Variants in MCOLN2 observed in about 807,000 individuals in gnomAD.
MCOLN2 encodes mucolipin-2.
A neutral mutation model predicts 67.5 loss-of-function variants in MCOLN2; 57 were observed. That is an observed-to-expected ratio of 0.84 (90% confidence interval 0.68 to 1.05). MCOLN2 has a LOEUF of 1.05. Ranked by LOEUF, MCOLN2 falls within the 50% of genes least tolerant of loss-of-function variation. The pLI is 0.00. For missense variants in MCOLN2, 620 were observed against 678.8 expected (o/e 0.91, Z 0.96); for synonymous variants, 246 against 233.3 (o/e 1.05, Z -0.50).
chr1:84,957,581 A>G (rs521435), intron 3 of MCOLN2, among the ~76,000 whole-genome samples: 53,791 of 151,966 alleles, frequency 0.35, 9,910 homozygotes, highest in African/African-American at 0.43. Context: ...AAATTATTAT[A>G]TCATCATCCT....
chr1:84,945,071 TA>T (rs66495448), intron 7 of MCOLN2, among the ~76,000 whole-genome samples: 25,505 of 152,144 alleles, frequency 0.17, 4,974 homozygotes, highest in African/African-American at 0.48. Context: ...ATGTAAATCT[TA>T]AAAGAGCTTT....
chr1:84,952,545 G>C lies in MCOLN2; in HGVS notation c.566-15C>G. ...TTGAACACAATCTAGGGCAATGAAAGAACAAGAAATGGTTGTTTCAGGCAA... is the reference window on the plus strand; with the variant it reads ...TTGAACACAATCTAGGGCAATGAAACAACAAGAAATGGTTGTTTCAGGCAA... On this transcript the variant is annotated splice_polypyrimidine_tract_variant and intron_variant, in intron 4 of 13. Coordinates refer to ENST00000370608, the MANE Select transcript of MCOLN2 (RefSeq NM_153259.4). The C allele has an allele frequency of 6.4e-7, 1 of 1,559,706 alleles. No homozygotes were observed. The highest frequency in any genetic ancestry group is 8.8e-7 in the Non-Finnish European group (1 of 1,131,028).
chr1:84,983,020 ATT>A (rs893381727), intron 1 of MCOLN2, among the ~76,000 whole-genome samples: 1 of 146,978 alleles, frequency 6.8e-6, no homozygotes, highest in Non-Finnish European at 1.5e-5. Flanking sequence ...GTCCGGAAGA[ATT>A]TTTTTTTTTT....
chr1:84,936,297 C>G (rs574956564), intron 11 of MCOLN2, among the ~76,000 whole-genome samples: 1 of 151,974 alleles, frequency 6.6e-6, no homozygotes, highest in South Asian at 2.1e-4. Context: ...GTAGGGGAGA[C>G]GGGGATGGGG....
rs1338067902 is a variant in MCOLN2 at position 84,987,312 on chromosome 1, C to CTATATGTATATAGATATATAGA, written c.77+9462_77+9483dup. 6.8e-5 allele frequency among the ~76,000 whole-genome samples: 9 copies of CTATATGTATATAGATATATAGA among 133,138 alleles called. No homozygotes were observed. The South Asian group carries it at 2.1e-3, about 32-fold the overall frequency. 87.3% of individuals were successfully genotyped at this position (133,138 alleles called of 152,430 possible). On this transcript the variant is annotated intron_variant, in intron 1 of 13. Transcript: ENST00000370608. ...ATATGCCATGTAGATACATATACATCTATATGTATATAGATATATAGATAT... is the reference window on the plus strand; with the variant it reads ...ATATGCCATGTAGATACATATACATCTATATGTATATAGATATATAGATATATGTATATAGATATATAGATAT...
intron 11 of MCOLN2, among the ~76,000 whole-genome samples, chr1:84,934,001 C>A (rs562096648): frequency 1.3e-5 from 2 of 152,148 alleles, no homozygotes; most frequent in Admixed American, 6.5e-5. Flanking sequence ...TTTCAGTGGC[C>A]AAATTCCATA....
At chr1:84,940,232 A>T (rs1442756467) in intron 8 of MCOLN2, among the ~76,000 whole-genome samples, 1 of 152,220 alleles carries the variant, frequency 6.6e-6, no homozygotes, top group Non-Finnish European at 1.5e-5. Flanking sequence ...GGACATTGAC[A>T]AAGGTCAGGA....
intron 1 of MCOLN2, among the ~76,000 whole-genome samples, chr1:84,976,730 C>T (rs1389291645): frequency 6.6e-6 from 1 of 152,126 alleles, no homozygotes; most frequent in Non-Finnish European, 1.5e-5. Context: ...CATGCCACTG[C>T]ACTCCAGCCT....
At chr1:84,965,341 T>C (rs1649323423) in intron 2 of MCOLN2, among the ~76,000 whole-genome samples, 1 of 152,224 alleles carries the variant, frequency 6.6e-6, no homozygotes, top group African/African-American at 2.4e-5. Flanking sequence ...ATAGAATCTG[T>C]ACAGAGAGGC....
In MCOLN2 at chr1:84,974,129, T is replaced by A. The variant is rs984307826; in HGVS notation, c.78-8421A>T. 3.3e-5 allele frequency among the ~76,000 whole-genome samples: 5 copies of A among 152,184 alleles called. No individual in the cohort carries two copies. In the East Asian group the frequency reaches 9.7e-4, roughly 29 times the overall value. ...CTAGCCAGAGGGGAATCACAGGTCC[T>A]TGTGGTTGGAACTTGAGTTCCCACA... On this transcript the variant is annotated intron_variant, in intron 1 of 13. Coordinates refer to ENST00000370608, the MANE Select transcript of MCOLN2 (RefSeq NM_153259.4).
At chr1:84,961,184 T>C (rs1649068889) in intron 2 of MCOLN2, among the ~76,000 whole-genome samples, 1 of 152,188 alleles carries the variant, frequency 6.6e-6, no homozygotes, top group Admixed American at 6.5e-5. Context: ...AGAGTAAGGA[T>C]CTGGACCCAG....
chr1:84,949,454 C>T (rs1162263267), intron 6 of MCOLN2, among the ~76,000 whole-genome samples: 3 of 151,912 alleles, frequency 2.0e-5, no homozygotes, highest in Non-Finnish European at 4.4e-5. Flanking sequence ...CTAGCTAACA[C>T]GGTGAAACCT....
Position 84,996,936 on chromosome 1 carries a change from G to A in MCOLN2, c.-64C>T, listed in dbSNP as rs879467894. 1.4e-6 allele frequency: 2 copies of A among 1,435,680 alleles called. No individual in the cohort carries two copies. The highest frequency in any genetic ancestry group is 2.0e-6 in the Non-Finnish European group (2 of 1,021,458). The allele number at this position is 1,435,680 out of a possible 1,614,324, so 88.9% of individuals were successfully genotyped here. On this transcript the variant is annotated 5_prime_UTR_variant, in exon 1 of 14. Transcript: ENST00000370608. ...GGAACAGGAAACACCGTTCACGGCCGACTCATTTCGCCCTCGCCGTAACGC... is the reference window on the plus strand; with the variant it reads ...GGAACAGGAAACACCGTTCACGGCCAACTCATTTCGCCCTCGCCGTAACGC...
intron 1 of MCOLN2, among the ~76,000 whole-genome samples, chr1:84,991,496 T>C (rs1170166872): frequency 6.6e-6 from 1 of 151,998 alleles, no homozygotes; most frequent in Non-Finnish European, 1.5e-5. Flanking sequence ...GTCAATTAAG[T>C]GAAGTTGAGG....
intron 1 of MCOLN2, among the ~76,000 whole-genome samples, chr1:84,995,419 C>T (rs1295387897): frequency 3.3e-5 from 5 of 152,096 alleles, no homozygotes; most frequent in African/African-American, 4.8e-5. Context: ...TTTCTATGAA[C>T]CCCTTAACAT....
chr1:84,987,533 T>TATGTATACATAGATGTATACATAG lies in MCOLN2; in HGVS notation c.77+9262_77+9263insCTATGTATACATCTATGTATACAT, dbSNP rs1553158932. Among the ~76,000 whole-genome samples, 173 of 95,220 alleles carry TATGTATACATAGATGTATACATAG rather than the reference T, an allele frequency of 1.8e-3. 13 individuals carry two copies. The highest frequency in any genetic ancestry group is 7.8e-3 in the African/African-American group (165 of 21,146). 62.5% of individuals were successfully genotyped at this position (95,220 alleles called of 152,430 possible). The stretch of plus-strand genomic sequence containing the variant: ...ATACATATGTATATATGTATACATC[T>TATGTATACATAGATGTATACATAG]ATGTATACATAGATGTATACATCTA... On this transcript the variant is annotated intron_variant, in intron 1 of 13. Transcript: ENST00000370608.
At chr1:84,940,841 G>T in intron 8 of MCOLN2, 38 bp downstream of exon 8, 1 of 1,453,438 alleles carries the variant, frequency 6.9e-7, no homozygotes, top group Non-Finnish European at 9.6e-7. Context: ...GAGGGCGCAG[G>T]CCAAGAGGGC....
chr1:84,984,854 G>A (rs1301027826), intron 1 of MCOLN2, among the ~76,000 whole-genome samples: 3 of 152,116 alleles, frequency 2.0e-5, no homozygotes, highest in Non-Finnish European at 1.5e-5. Context: ...AGTTTGCTGG[G>A]CATGCTGGCT....
intron 1 of MCOLN2, among the ~76,000 whole-genome samples, chr1:84,966,087 T>C (rs1403787871): frequency 1.3e-5 from 2 of 151,940 alleles, no homozygotes; most frequent in African/African-American, 2.4e-5. Context: ...ACCCCATCTC[T>C]ACTAAAATAC....
Sources: gnomAD v4.1 joint callset for allele counts (sites outside exome capture counted in the v4.1 genomes callset) on GRCh38, gnomAD v4.1.1 for gene constraint, MANE v1.5 for transcripts, NCBI Gene and HGNC (gene_info 2026-07-23, HGNC 2026-07-21) for gene names.